The following DENND1A variants were observed in gnomAD, a reference collection of about 807,000 sequenced individuals.
The protein encoded by DENND1A is DENN domain containing 1A.
In DENND1A, 51 loss-of-function variants were observed where a neutral mutation model predicts 113.7. The ratio of observed to expected loss-of-function variants is 0.45; its 90% CI spans 0.36 to 0.57. The LOEUF (loss-of-function observed/expected upper bound fraction) is 0.57. DENND1A is among the 20% of genes least tolerant of loss of function. The probability of loss-of-function intolerance (pLI) is 0.00; values close to 1 mark genes in which losing one functional copy is unlikely to be tolerated. For missense variants in DENND1A, 1,258 were observed against 1,395.9 expected, an observed-to-expected ratio of 0.90 and a Z score of 1.57; for synonymous variants, 565 against 570.8, an observed-to-expected ratio of 0.99 and a Z score of 0.14.
intron 19 of DENND1A, chr9:123,414,112 C>T: frequency 1.0e-6 from 1 of 996,376 alleles, no homozygotes; most frequent in Non-Finnish European, 1.2e-6. Context: ...CTCTAGGGGT[C>T]AGACAGTTTT....
At chr9:123,632,920 A>C (rs1267597853) in intron 9 of DENND1A, among the ~76,000 whole-genome samples, 1 of 151,662 alleles carries the variant, frequency 6.6e-6, no homozygotes, top group African/African-American at 2.4e-5. Flanking sequence ...TATTATTATT[A>C]TTATTGAGAC....
At chr9:123,821,312 T>C (rs1325727463) in intron 2 of DENND1A, among the ~76,000 whole-genome samples, 2 of 152,176 alleles carry the variant, frequency 1.3e-5, no homozygotes. Flanking sequence ...AAATTATATA[T>C]ATATCTCTTA....
At chr9:123,409,954 T>C (rs1001584771) in intron 20 of DENND1A, among the ~76,000 whole-genome samples, 1 of 152,140 alleles carries the variant, frequency 6.6e-6, no homozygotes, top group African/African-American at 2.4e-5. Context: ...TAGCCGTGCA[T>C]GGTGGCGGGC....
intron 21 of DENND1A, among the ~76,000 whole-genome samples, chr9:123,391,095 G>A (rs1471475660): frequency 6.6e-6 from 1 of 152,268 alleles, no homozygotes; most frequent in Admixed American, 6.5e-5. Context: ...GGTGGAGGGG[G>A]CTGGGGGCTT....
chr9:123,903,080 C>A (rs924987902), intron 1 of DENND1A, among the ~76,000 whole-genome samples: 3 of 152,002 alleles, frequency 2.0e-5, no homozygotes, highest in South Asian at 2.1e-4. Flanking sequence ...CACCTGTAAT[C>A]CCAGCACTTT....
intron 13 of DENND1A, among the ~76,000 whole-genome samples, chr9:123,550,191 C>T (rs1283524014): frequency 6.6e-6 from 1 of 152,244 alleles, no homozygotes; most frequent in Admixed American, 6.5e-5. Context: ...GTACCCACAG[C>T]TGAATCTGGA....
chr9:123,438,481 T>A (rs1255552264), intron 19 of DENND1A, among the ~76,000 whole-genome samples: 1 of 152,136 alleles, frequency 6.6e-6, no homozygotes, highest in Non-Finnish European at 1.5e-5. Flanking sequence ...TGACAGCACG[T>A]CTCAATTAAG....
chr9:123,427,384 C>T (rs934113897), intron 19 of DENND1A, among the ~76,000 whole-genome samples: 8 of 152,202 alleles, frequency 5.3e-5, no homozygotes, highest in East Asian at 1.9e-4. Flanking sequence ...CTCCTAGCCC[C>T]GGGACTGCAG....
intron 3 of DENND1A, among the ~76,000 whole-genome samples, chr9:123,782,531 T>C (rs944354964): frequency 2.0e-5 from 3 of 152,154 alleles, no homozygotes; most frequent in Admixed American, 1.3e-4. Context: ...AGTTACCAGG[T>C]CCTAGAGATC....
At chr9:123,527,656 T>C (rs1224753150) in intron 13 of DENND1A, among the ~76,000 whole-genome samples, 2 of 152,194 alleles carry the variant, frequency 1.3e-5, no homozygotes, top group African/African-American at 2.4e-5. Context: ...GGAGGACTCA[T>C]TAAGCTGTAT....
At chr9:123,876,498 G>T (rs910101694) in intron 2 of DENND1A, among the ~76,000 whole-genome samples, 2 of 152,054 alleles carry the variant, frequency 1.3e-5, no homozygotes, top group African/African-American at 4.8e-5. Flanking sequence ...AGGGGTGAAG[G>T]GTCATAATGT....
intron 13 of DENND1A, among the ~76,000 whole-genome samples, chr9:123,493,375 T>C (rs2051560525): frequency 6.6e-6 from 1 of 152,164 alleles, no homozygotes; most frequent in Non-Finnish European, 1.5e-5. Flanking sequence ...ATCAAGTTCC[T>C]CTTGTCATGG....
chr9:123,857,932 G>A (rs970719856), intron 2 of DENND1A, among the ~76,000 whole-genome samples: 4 of 151,968 alleles, frequency 2.6e-5, no homozygotes, highest in Admixed American at 6.6e-5. Context: ...GGTGGCGGAC[G>A]CCTGTAGTCC....
intron 21 of DENND1A, 53 bp from the exon 22 acceptor site, chr9:123,387,911 AG>A: frequency 1.1e-5 from 14 of 1,275,164 alleles, no homozygotes; most frequent in Non-Finnish European, 1.3e-5. Context: ...GGGCGCCCTC[AG>A]AACTTCACGT....
Position 123,693,539 on chromosome 9 carries a change from T to C in DENND1A, c.303-16750A>G, listed in dbSNP as rs574927641. Among the ~76,000 whole-genome samples, 9 of 152,074 alleles carry C rather than the reference T, an allele frequency of 5.9e-5. No homozygotes were observed. In the South Asian group the frequency reaches 1.7e-3, roughly 28 times the overall value. On this transcript the variant is annotated intron_variant, in intron 5 of 23. Coordinates refer to ENST00000394215, the MANE Select transcript of DENND1A (RefSeq NM_001352964.2). Reference sequence around the variant, plus strand: ...TTTCGCTTTTTTTTTCAGAACATCATAGAAATGGAATAATACAGTACATAG... The same window carrying C: ...TTTCGCTTTTTTTTTCAGAACATCACAGAAATGGAATAATACAGTACATAG...
At chr9:123,423,464 G>A (rs1326299176) in intron 19 of DENND1A, among the ~76,000 whole-genome samples, 1 of 152,126 alleles carries the variant, frequency 6.6e-6, no homozygotes, top group Non-Finnish European at 1.5e-5. Flanking sequence ...CCTTGGCAGA[G>A]AAGCTGTGTG....
chr9:123,768,928 C>A (rs921581223), intron 4 of DENND1A, among the ~76,000 whole-genome samples: 39 of 150,402 alleles, frequency 2.6e-4, no homozygotes, highest in Non-Finnish European at 1.6e-4. Context: ...AACAGTTTAT[C>A]ACAATGTAAA....
intron 10 of DENND1A, among the ~76,000 whole-genome samples, chr9:123,618,934 A>C (rs761544973): frequency 1.3e-5 from 2 of 152,116 alleles, no homozygotes; most frequent in African/African-American, 2.4e-5. Flanking sequence ...AAAGGCTAAA[A>C]AAGTTTTTTA....
intron 2 of DENND1A, among the ~76,000 whole-genome samples, chr9:123,808,055 G>A (rs542385788): frequency 2.6e-5 from 4 of 152,182 alleles, no homozygotes; most frequent in African/African-American, 7.2e-5. Flanking sequence ...GTGAAACCAC[G>A]TCTCTACTAA....
Sources: allele counts gnomAD v4.1 joint callset (sites outside exome capture counted in the v4.1 genomes callset), GRCh38; gene constraint gnomAD v4.1.1; transcripts MANE v1.5; gene names NCBI Gene and HGNC (gene_info 2026-07-23, HGNC 2026-07-21).